Variants in EARS2 observed in about 807,000 individuals in gnomAD.
EARS2 encodes glutamyl-tRNA synthetase 2, mitochondrial, also known as nondiscriminating glutamyl-tRNA synthetase EARS2, mitochondrial.
In EARS2, 50 loss-of-function variants were observed where a neutral mutation model predicts 54.1. The ratio of observed to expected loss-of-function variants is 0.92; its 90% CI spans 0.74 to 1.17. The LOEUF (loss-of-function observed/expected upper bound fraction) is 1.17, where lower values mean the gene tolerates loss of function less well. EARS2 is among the 50% of genes most tolerant of loss of function. EARS2 has a pLI of 0.00. For missense variants in EARS2, 673 were observed against 675.0 expected (o/e 1.00, Z 0.03); for synonymous variants, 298 against 281.0 (o/e 1.06, Z -0.61).
chr16:23,529,619 C>A lies in EARS2; in HGVS notation c.1235G>T (p.Arg412Leu). The A allele has an allele frequency of 1.2e-6, 2 of 1,614,018 alleles. No individual in the cohort carries two copies. The highest frequency in any genetic ancestry group is 1.7e-6 in the Non-Finnish European group (2 of 1,179,936). ...TACTGGGGACACCAAGTCCTGCAGG[C>A]GGCAAATGTGACCCTGGGGAAGGAG... Reference protein sequence around the residue: ...ILLLRQGHICRLQDLVSPVYS... With the variant: ...ILLLRQGHICLLQDLVSPVYS... The change falls in exon 7 of 9, where the codon CGC becomes CTC. Residue 412 changes from arginine to leucine, a missense_variant. Arg to Leu is a moderately radical substitution (Grantham distance 102). This residue lies in a region of EARS2 where 338 missense variants were observed against 361.2 expected (regional missense o/e 0.94). Coordinates refer to ENST00000449606, the MANE Select transcript of EARS2 (RefSeq NM_001083614.2).
At chr16:23,553,171 A>C (rs906716876) in intron 1 of EARS2, 1 of 190,706 alleles carries the variant, frequency 5.2e-6, no homozygotes, top group Non-Finnish European at 1.1e-5. Context: ...TTTTTCAAAG[A>C]CTAAGAACTA....
At chr16:23,553,431 T>C (rs1158977288) in intron 1 of EARS2, among the ~76,000 whole-genome samples, 2 of 152,130 alleles carry the variant, frequency 1.3e-5, no homozygotes, top group Non-Finnish European at 2.9e-5. Context: ...AAAAATTAAT[T>C]ACAAACAAAC....
At chr16:23,543,557 C>A (rs1965551797) in intron 3 of EARS2, among the ~76,000 whole-genome samples, 1 of 151,666 alleles carries the variant, frequency 6.6e-6, no homozygotes, top group Admixed American at 6.6e-5. Flanking sequence ...AACACAGTGA[C>A]ACCCGTCTCT....
At position 23,552,196 on chromosome 16, in the gene EARS2, A is replaced by G. The variant is rs377086222; in HGVS notation, c.248T>C (p.Val83Ala). 10 of 1,614,056 alleles carry G rather than the reference A, an allele frequency of 6.2e-6. No homozygotes were observed. The African/African-American group carries it at 9.3e-5, about 15-fold the overall frequency. Residue 83 changes from valine (V) to alanine (A), a missense_variant, in exon 2 of 9, where the codon GTT becomes GCT. Physicochemically the swap from Val to Ala is moderately conservative, Grantham distance 64 (BLOSUM62 0). Around this residue, in one of 3 missense-constraint regions of EARS2, gnomAD observed 316 missense variants for 275.2 expected, o/e 1.15. Transcript: ENST00000449606. ...AATATTCTCCGCTGCCCCAGGCACA[A>G]CGCGAGTCTGATCTGTGTCCTCTAG... Reference protein sequence around the residue: ...LRLEDTDQTRVVPGAAENIED... With the variant: ...LRLEDTDQTRAVPGAAENIED...
At chr16:23,525,532 T>C (rs915607921) in intron 7 of EARS2, among the ~76,000 whole-genome samples, 153 bp from the exon 8 acceptor site, 11 of 152,128 alleles carry the variant, frequency 7.2e-5, no homozygotes, top group Non-Finnish European at 1.0e-4. Flanking sequence ...TATTGACCAC[T>C]TTCTCCCTTA....
chr16:23,542,166 G>C (rs1008166735), intron 3 of EARS2, among the ~76,000 whole-genome samples: 26 of 150,474 alleles, frequency 1.7e-4, no homozygotes, highest in African/African-American at 6.1e-4. Context: ...CCTAATTTTT[G>C]TATTTTTAGT....
chr16:23,543,023 G>A (rs576814089), intron 3 of EARS2, among the ~76,000 whole-genome samples: 9 of 148,756 alleles, frequency 6.1e-5, no homozygotes, highest in East Asian at 2.0e-4. Context: ...GCTGAGGCAC[G>A]AGAATCCCTT....
rs371451459 is a variant in EARS2 at position 23,548,157 on chromosome 16, C to A, written c.296-3454G>T. ...GCTGAGGCGGGAGAATGGCATGAAC[C>A]CGGGAGGTGGAGCTTGCAGTGAGCC... On this transcript the variant is annotated intron_variant, in intron 2 of 8. Coordinates refer to ENST00000449606, the MANE Select transcript of EARS2 (RefSeq NM_001083614.2). 4.6e-4 allele frequency among the ~76,000 whole-genome samples: 69 copies of A among 151,562 alleles called. 2 individuals are homozygous for A. The East Asian group carries it at 0.011, about 25-fold the overall frequency.
At chr16:23,552,326 A>G (rs1231412855) in intron 1 of EARS2, 22 bp from the exon 2 acceptor site, 1 of 1,612,196 alleles carries the variant, frequency 6.2e-7, no homozygotes, top group Non-Finnish European at 8.5e-7. Flanking sequence ...AACAGCTCAG[A>G]TAAGACAGGG....
At chr16:23,532,967 T>C (rs979992572) in intron 4 of EARS2, among the ~76,000 whole-genome samples, 11 of 152,120 alleles carry the variant, frequency 7.2e-5, no homozygotes, top group Non-Finnish European at 1.3e-4. Context: ...TACAGGCACA[T>C]ACTACCGCAC....
At chr16:23,549,200 C>T (rs942975243) in intron 2 of EARS2, among the ~76,000 whole-genome samples, 13 of 152,296 alleles carry the variant, frequency 8.5e-5, no homozygotes, top group Non-Finnish European at 1.5e-4. Context: ...GCTGGGGACT[C>T]AGATCTCAGG....
rs894436972 is a variant in EARS2, at chr16:23,552,293, G to A, written c.151C>T (p.Leu51=). Residue 51 remains leucine, a synonymous_variant, in exon 2 of 9, where the codon CTG becomes TTG. Coordinates refer to ENST00000449606, the MANE Select transcript of EARS2 (RefSeq NM_001083614.2). ...FAPSPTGFLH[L]GGLRTALYNY... ...TACAAGGCAGTGCGGAGGCCACCCA[G>A]GTGCAAGAAGCCTGGAGAAGAGAAC... 24 of 1,614,002 alleles carry A rather than the reference G, an allele frequency of 1.5e-5. No homozygotes were observed. Among genetic ancestry groups the A allele is most frequent in the Non-Finnish European group, 1.9e-5 (22 of 1,179,978 alleles).
intron 1 of EARS2, among the ~76,000 whole-genome samples, chr16:23,555,168 C>T (rs1251734962): frequency 6.6e-6 from 1 of 152,164 alleles, no homozygotes; most frequent in African/African-American, 2.4e-5. Flanking sequence ...AATGGTGAAA[C>T]TGAGGCTCAG....
At chr16:23,554,426 CA>C (rs1965743909) in intron 1 of EARS2, among the ~76,000 whole-genome samples, 1 of 152,154 alleles carries the variant, frequency 6.6e-6, no homozygotes, top group African/African-American at 2.4e-5. Context: ...CCTTTTTCAT[CA>C]TTCCTGTCTG....
chr16:23,556,489 G>C (rs1267995597), intron 1 of EARS2, among the ~76,000 whole-genome samples: 1 of 152,194 alleles, frequency 6.6e-6, no homozygotes, highest in Middle Eastern at 3.2e-3. Flanking sequence ...CAAGTAGCTG[G>C]GATTACAGGC....
rs79318753 is a variant in EARS2, at chr16:23,535,893, G to A, written c.486-533C>T. Among the ~76,000 whole-genome samples, 395 of 152,252 alleles carry A rather than the reference G, an allele frequency of 2.6e-3. 4 individuals are homozygous for A. The East Asian group carries it at 0.039, about 15-fold the overall frequency. ...GTAAGGGGAGCATGCTTGGACCTGC[G>A]GCAGCTACTTGCAACTGCAGGAGGG... On this transcript the variant is annotated intron_variant, in intron 3 of 8. Coordinates refer to ENST00000449606, the MANE Select transcript of EARS2 (RefSeq NM_001083614.2).
chr16:23,534,781 G>C, intron 4 of EARS2, 107 bp downstream of exon 4: 1 of 938,620 alleles, frequency 1.1e-6, no homozygotes, highest in Non-Finnish European at 1.6e-6. Context: ...AGGTCACCTG[G>C]CTGGTAGGTG....
At chr16:23,530,005 T>C (rs1019792309) in intron 5 of EARS2, 108 bp from the exon 6 acceptor site, 20 of 1,380,346 alleles carry the variant, frequency 1.4e-5, no homozygotes, top group Non-Finnish European at 1.9e-5. Context: ...TCAGGTCCCA[T>C]GAGCCCTCCC....
In EARS2 at chr16:23,532,752, G is replaced by C; in HGVS notation, c.972C>G (p.Gly324=). 6.2e-7 allele frequency: 1 copy of C among 1,613,232 alleles called. No individual in the cohort carries two copies. Among genetic ancestry groups the C allele is most frequent in the Non-Finnish European group, 8.5e-7 (1 of 1,179,406 alleles). Residue 324 remains glycine, a synonymous_variant, in exon 5 of 9, where the codon GGC becomes GGG. Coordinates refer to ENST00000449606, the MANE Select transcript of EARS2 (RefSeq NM_001083614.2). The part of the protein sequence containing the change: ...CGSGFAENQM[G]RTLPELITQF... ...GTGTGATCAGCTCCGGCAGGGTCCT[G>C]CCCATTTGGTTCTCTGCAAAGAAGA... is the stretch of plus-strand genomic sequence containing the variant.
Sources: allele counts gnomAD v4.1 joint callset (sites outside exome capture counted in the v4.1 genomes callset), GRCh38; gene constraint gnomAD v4.1.1; regional missense constraint gnomAD v4.1.1; transcripts MANE v1.5; gene names NCBI Gene and HGNC (gene_info 2026-07-23, HGNC 2026-07-21).